The following SYCP2 variants were observed in gnomAD, a reference collection of about 807,000 sequenced individuals.
SYCP2 encodes the protein synaptonemal complex lateral element protein.
A neutral mutation model predicts 211.3 loss-of-function variants in SYCP2; 55 were observed. The ratio of observed to expected loss-of-function variants is 0.26; its 90% confidence interval spans 0.21 to 0.33. The LOEUF is 0.33. Ranked by LOEUF, SYCP2 falls within the 10% of genes least tolerant of loss-of-function variation. The pLI, the probability that SYCP2 is intolerant of heterozygous loss-of-function variation, is 1.00. For missense variants in SYCP2, 1,731 were observed against 1,752.0 expected (o/e 0.99, Z 0.21); for synonymous variants, 570 against 555.2 (o/e 1.03, Z -0.37).
intron 24 of SYCP2, among the ~76,000 whole-genome samples, chr20:59,889,862 A>G (rs1221684510): frequency 6.6e-6 from 1 of 152,074 alleles, no homozygotes; most frequent in Non-Finnish European, 1.5e-5. Context: ...GACAGTTATC[A>G]TCTAGCACCA....
At position 59,900,257 on chromosome 20, in the gene SYCP2, G is replaced by C. The variant is rs371478053; in HGVS notation, c.1285C>G (p.Pro429Ala). Residue 429 changes from proline (P) to alanine (A), a missense_variant, in exon 18 of 45, where the codon CCA becomes GCA. By Grantham distance (27) the Pro-to-Ala change is conservative. Transcript: ENST00000357552. ...AAACTAACGAGCTCTTCTCCGACTGGTGAGATTTGACTTTCTGGCACTAGA... is the reference window on the plus strand; with the variant it reads ...AAACTAACGAGCTCTTCTCCGACTGCTGAGATTTGACTTTCTGGCACTAGA... ...QILVPESQIS[P>A]VGEELVSLKE... The C allele has an allele frequency of 3.1e-6, 5 of 1,608,368 alleles. No homozygotes were observed. Among genetic ancestry groups the C allele is most frequent in the East Asian group, 2.2e-5 (1 of 44,770 alleles).
chr20:59,898,941 GTAAAAT>G (rs1489026901), intron 18 of SYCP2, among the ~76,000 whole-genome samples: 3 of 152,118 alleles, frequency 2.0e-5, no homozygotes, highest in African/African-American at 7.2e-5. Flanking sequence ...AATAGAAAAG[GTAAAAT>G]TAAATTATAG....
chr20:59,885,639 T>TACACACAC (rs555963029), intron 26 of SYCP2, among the ~76,000 whole-genome samples: 1 of 150,968 alleles, frequency 6.6e-6, no homozygotes, highest in African/African-American at 2.4e-5. Context: ...ATTAAAAAAA[T>TACACACAC]ACACACACAC....
intron 15 of SYCP2, among the ~76,000 whole-genome samples, chr20:59,902,680 C>T (rs905583110): frequency 6.6e-6 from 1 of 152,106 alleles, no homozygotes; most frequent in Admixed American, 6.6e-5. Context: ...TCTTATGAGG[C>T]CTGCCCAAGC....
chr20:59,877,389 A>T lies in SYCP2; in HGVS notation c.3146T>A (p.Val1049Glu). ...FSHSFKENIP[V>E]KEENIHSRMK... Reference sequence around the variant, plus strand: ...ATCTGAACTGTATCTATTTACCTTTACTGGTATGTTCTCTTTAAATGAATG... The same window carrying T: ...ATCTGAACTGTATCTATTTACCTTTTCTGGTATGTTCTCTTTAAATGAATG... The change falls in exon 33 of 45, where the codon GTA becomes GAA. Residue 1049 changes from valine to glutamate, a missense_variant. Physicochemically the swap from Val to Glu is moderately radical, Grantham distance 121. Transcript: ENST00000357552. 6.4e-7 allele frequency: 1 copy of T among 1,565,986 alleles called. No homozygotes were observed. The highest frequency in any genetic ancestry group is 8.6e-7 in the Non-Finnish European group (1 of 1,164,374).
At chr20:59,893,085 T>G in intron 22 of SYCP2, 57 bp downstream of exon 22, 1 of 1,185,002 alleles carries the variant, frequency 8.4e-7, no homozygotes, top group Non-Finnish European at 1.2e-6. Flanking sequence ...ATCTGTTACA[T>G]TCACTGAAAA....
At chr20:59,870,386 A>C (rs2059427317) in intron 35 of SYCP2, among the ~76,000 whole-genome samples, 5 of 151,876 alleles carry the variant, frequency 3.3e-5, no homozygotes, top group Admixed American at 3.3e-4. Context: ...TAAAACAATC[A>C]ATAGTTTTTC....
At chr20:59,911,222 G>A (rs187586582) in intron 14 of SYCP2, among the ~76,000 whole-genome samples, 21 of 152,190 alleles carry the variant, frequency 1.4e-4, no homozygotes, top group African/African-American at 5.1e-4. Flanking sequence ...TTTTCCTCAG[G>A]TAAAAAATAT....
At chr20:59,885,354 T>C (rs1366919167) in intron 26 of SYCP2, among the ~76,000 whole-genome samples, 1 of 152,064 alleles carries the variant, frequency 6.6e-6, no homozygotes, top group African/African-American at 2.4e-5. Context: ...AAGAAAATTG[T>C]TAACACATAA....
At chr20:59,906,619 T>G (rs2060218307) in intron 15 of SYCP2, among the ~76,000 whole-genome samples, 1 of 152,092 alleles carries the variant, frequency 6.6e-6, no homozygotes, top group Non-Finnish European at 1.5e-5. Context: ...TAGAACATCT[T>G]AGTGATTTAA....
chr20:59,896,626 A>C lies in SYCP2; in HGVS notation c.1405-98T>G, dbSNP rs1450929564. ...TAACATTTTGCCTTGATACATGCCA[A>C]AGATATATGTTTTTTAAATAAACAA... is the stretch of plus-strand genomic sequence containing the variant. On this transcript the variant is annotated intron_variant, in intron 18 of 44. Coordinates refer to ENST00000357552, the MANE Select transcript of SYCP2 (RefSeq NM_014258.4). The C allele has an allele frequency of 4.9e-6, 3 of 617,374 alleles. No individual in the cohort carries two copies. The African/African-American group carries it at 5.6e-5, about 11-fold the overall frequency. The allele number at this position is 617,374 out of a possible 1,614,324, so 38.2% of individuals were successfully genotyped here.
chr20:59,926,424 C>T (rs1245223908), intron 2 of SYCP2, among the ~76,000 whole-genome samples: 3 of 152,116 alleles, frequency 2.0e-5, no homozygotes, highest in Admixed American at 6.6e-5. Flanking sequence ...AGTATAAATC[C>T]ACTCTCTGCC....
chr20:59,872,648 G>A (rs567557903), intron 35 of SYCP2, among the ~76,000 whole-genome samples: 65 of 152,056 alleles, frequency 4.3e-4, no homozygotes, highest in Middle Eastern at 3.4e-3. Context: ...GTCTTGGAAC[G>A]TATTCCCTGA....
At chr20:59,881,193 T>C (rs554996955) in intron 29 of SYCP2, among the ~76,000 whole-genome samples, 170 bp from the exon 30 acceptor site, 14 of 151,944 alleles carry the variant, frequency 9.2e-5, no homozygotes, top group African/African-American at 3.4e-4. Flanking sequence ...AAAATAACTA[T>C]ATTGGATTAA....
chr20:59,925,286 G>A (rs549279968), intron 2 of SYCP2, among the ~76,000 whole-genome samples: 1 of 151,986 alleles, frequency 6.6e-6, no homozygotes, highest in Admixed American at 6.6e-5. Flanking sequence ...CAGGTTGATA[G>A]GTGCAGCAAA....
chr20:59,928,783 C>A (rs1601008813), intron 2 of SYCP2, among the ~76,000 whole-genome samples: 1 of 152,056 alleles, frequency 6.6e-6, no homozygotes, highest in African/African-American at 2.4e-5. Flanking sequence ...CATTAGAAAT[C>A]TATTTTGCCA....
chr20:59,895,496 C>A lies in SYCP2; in HGVS notation c.1606G>T (p.Ala536Ser). 6.2e-7 allele frequency: 1 copy of A among 1,613,158 alleles called. No individual in the cohort carries two copies. Among genetic ancestry groups the A allele is most frequent in the Non-Finnish European group, 8.5e-7 (1 of 1,179,380 alleles). The change falls in exon 20 of 45, where the codon GCT (alanine) becomes TCT (serine). Residue 536 changes from alanine (A) to serine (S), a missense_variant. By Grantham distance (99) the Ala-to-Ser change is moderately conservative (BLOSUM62 1). Coordinates refer to ENST00000357552, the MANE Select transcript of SYCP2 (RefSeq NM_014258.4). ...SQTSENRVDN[A>S]ASLKSRSSEG... ...GATGATCTAGATTTCAGTGATGCAG[C>A]ATTATCCACTCTATTTTCTGATGTT...
At chr20:59,883,250 G>C (rs1214766879) in intron 26 of SYCP2, among the ~76,000 whole-genome samples, 1 of 152,110 alleles carries the variant, frequency 6.6e-6, no homozygotes, top group African/African-American at 2.4e-5. Context: ...TCAGGAGGCT[G>C]AGACAGGAGA....
At chr20:59,888,999 T>C (rs534385187) in intron 24 of SYCP2, among the ~76,000 whole-genome samples, 21 of 152,032 alleles carry the variant, frequency 1.4e-4, no homozygotes, top group Admixed American at 1.4e-3. Flanking sequence ...TGAAGAGATA[T>C]TCCACATATA....
Sources: allele counts gnomAD v4.1 joint callset (sites outside exome capture counted in the v4.1 genomes callset), GRCh38; gene constraint gnomAD v4.1.1; transcripts MANE v1.5; gene names NCBI Gene and HGNC (gene_info 2026-07-23, HGNC 2026-07-21).